The following SETD3 variants were observed in gnomAD, a reference collection of about 807,000 sequenced individuals.
SETD3 encodes actin-histidine N-methyltransferase.
A neutral mutation model predicts 63.0 loss-of-function variants in SETD3; 19 were observed. The ratio of observed to expected loss-of-function variants is 0.30; its 90% CI spans 0.21 to 0.44. SETD3 has a LOEUF of 0.44. Ranked by LOEUF, SETD3 falls within the 20% of genes least tolerant of loss-of-function variation. The pLI is 1.00. For missense variants in SETD3, 587 were observed against 728.5 expected (o/e 0.81, Z 2.24); for synonymous variants, 286 against 264.1 (o/e 1.08, Z -0.80).
intron 6 of SETD3, among the ~76,000 whole-genome samples, chr14:99,452,100 T>TTTTG (rs565356779): frequency 9.1e-4 from 139 of 152,248 alleles, no homozygotes; most frequent in Admixed American, 1.8e-3. Flanking sequence ...AGACTTTGTT[T>TTTTG]TTTGTTTGTT....
chr14:99,421,029 GT>G (rs1255073295), intron 6 of SETD3, among the ~76,000 whole-genome samples: 8 of 107,442 alleles, frequency 7.4e-5, no homozygotes, highest in Admixed American at 1.2e-4. Flanking sequence ...TAAATCTTTC[GT>G]TTCTTTGCCT....
intron 6 of SETD3, among the ~76,000 whole-genome samples, chr14:99,440,504 T>G (rs1458033304): frequency 6.6e-6 from 1 of 152,120 alleles, no homozygotes; most frequent in African/African-American, 2.4e-5. Flanking sequence ...CTCCGGTGTC[T>G]ACATCATGCG....
At chr14:99,468,111 T>C (rs1049928007) in intron 1 of SETD3, among the ~76,000 whole-genome samples, 1 of 150,372 alleles carries the variant, frequency 6.7e-6, no homozygotes, top group Non-Finnish European at 1.5e-5. Context: ...AGCTAGAATC[T>C]GAACCCAGAA....
chr14:99,482,285 T>C (rs1011770268), upstream of SETD3, among the ~76,000 whole-genome samples: 1 of 152,244 alleles, frequency 6.6e-6, no homozygotes, highest in African/African-American at 2.4e-5. Flanking sequence ...TCGATCTAAA[T>C]CGCTGTTTAC....
chr14:99,458,202 T>C, intron 6 of SETD3, 77 bp downstream of exon 6: 1 of 1,455,588 alleles, frequency 6.9e-7, no homozygotes, highest in South Asian at 1.4e-5. Flanking sequence ...AGACATCAAA[T>C]GGAATATTTA....
chr14:99,442,781 G>C (rs2139725515), intron 6 of SETD3, among the ~76,000 whole-genome samples: 1 of 152,346 alleles, frequency 6.6e-6, no homozygotes, highest in South Asian at 2.1e-4. Flanking sequence ...TGGGGAGTTA[G>C]AAGTTATATG....
chr14:99,433,275 T>C (rs903494300), intron 6 of SETD3, among the ~76,000 whole-genome samples: 4 of 152,176 alleles, frequency 2.6e-5, no homozygotes, highest in East Asian at 1.9e-4. Context: ...TCATGTTATG[T>C]GTGTTTTACA....
intron 6 of SETD3, among the ~76,000 whole-genome samples, chr14:99,439,659 A>C (rs1332963823): frequency 2.0e-5 from 3 of 147,934 alleles, no homozygotes; most frequent in African/African-American, 7.4e-5. Context: ...ATAAATATGT[A>C]AGTATATATA....
At chr14:99,484,426 T>TA (rs953753792), upstream of SETD3, among the ~76,000 whole-genome samples, 381 of 151,092 alleles carry the variant, frequency 2.5e-3, 1 homozygote, top group African/African-American at 8.8e-3. Flanking sequence ...CTTGAAACAC[T>TA]AAAAAAAAAG....
chr14:99,445,080 T>A (rs571150503), intron 6 of SETD3, among the ~76,000 whole-genome samples: 2 of 152,198 alleles, frequency 1.3e-5, no homozygotes, highest in African/African-American at 4.8e-5. Flanking sequence ...AGAGGTAATA[T>A]GCGATGCAAA....
At chr14:99,431,875 C>T (rs968143185) in intron 6 of SETD3, among the ~76,000 whole-genome samples, 1 of 152,220 alleles carries the variant, frequency 6.6e-6, no homozygotes, top group African/African-American at 2.4e-5. Flanking sequence ...ACAACACACA[C>T]TGGATGACCA....
intron 6 of SETD3, among the ~76,000 whole-genome samples, chr14:99,417,976 A>G (rs1010897813): frequency 2.6e-5 from 4 of 152,204 alleles, no homozygotes; most frequent in Admixed American, 2.6e-4. Context: ...TTACTTTTCT[A>G]AAGAATATTC....
At chr14:99,413,988 G>T in intron 6 of SETD3, 54 bp from the exon 7 acceptor site, 1 of 1,493,188 alleles carries the variant, frequency 6.7e-7, no homozygotes, top group South Asian at 1.1e-5. Context: ...AGGGAAAACA[G>T]AAATCAGTCA....
intron 6 of SETD3, among the ~76,000 whole-genome samples, chr14:99,421,025 T>C (rs1195457556): frequency 8.3e-6 from 1 of 121,026 alleles, no homozygotes; most frequent in Non-Finnish European, 1.7e-5. Flanking sequence ...ACAGTAAATC[T>C]TTCGTTTCTT....
intron 1 of SETD3, among the ~76,000 whole-genome samples, chr14:99,466,136 TAG>T (rs898471411): frequency 1.1e-4 from 17 of 152,304 alleles, no homozygotes; most frequent in Non-Finnish European, 2.1e-4. Context: ...TCCAGGATAC[TAG>T]AGAGATAAAA....
chr14:99,455,473 T>C (rs377499035), intron 6 of SETD3, among the ~76,000 whole-genome samples: 21 of 152,188 alleles, frequency 1.4e-4, no homozygotes, highest in Non-Finnish European at 1.6e-4. Flanking sequence ...TTGTAGGTTC[T>C]TAAAAAGAAG....
In SETD3 at chr14:99,404,199, A is replaced by T. The variant is rs7143131; in HGVS notation, c.1177+26T>A. On this transcript the variant is annotated intron_variant, in intron 11 of 12. Transcript: ENST00000331768. Reference sequence around the variant, plus strand: ...ATGATTTAAAAAGAAAAAAGTCAACATCTCTTTTTTCCTGAAATGACTTAC... The same window carrying T: ...ATGATTTAAAAAGAAAAAAGTCAACTTCTCTTTTTTCCTGAAATGACTTAC... 12,034 of 1,585,746 alleles carry T rather than the reference A, an allele frequency of 7.6e-3. 753 individuals are homozygous for T. In the African/African-American group the frequency reaches 0.14, roughly 19 times the overall value.
intron 6 of SETD3, among the ~76,000 whole-genome samples, chr14:99,448,401 G>A (rs753664110): frequency 1.3e-5 from 2 of 152,116 alleles, no homozygotes; most frequent in Non-Finnish European, 2.9e-5. Context: ...CTGCAGCCAC[G>A]GGTTTCCTAC....
At chr14:99,443,996 CCTT>C (rs1435813496) in intron 6 of SETD3, among the ~76,000 whole-genome samples, 1 of 152,160 alleles carries the variant, frequency 6.6e-6, no homozygotes, top group Non-Finnish European at 1.5e-5. Flanking sequence ...ACAGACATCA[CCTT>C]CTTTACTCCC....
Sources: allele counts gnomAD v4.1 joint callset (sites outside exome capture counted in the v4.1 genomes callset), GRCh38; gene constraint gnomAD v4.1.1; transcripts MANE v1.5; gene names NCBI Gene and HGNC (gene_info 2026-07-23, HGNC 2026-07-21).